AFF2: variants seen among roughly 807,000 people sequenced by gnomAD.
AFF2 encodes AF4/FMR2 family member 2.
Under a neutral mutation model 76.9 loss-of-function variants are expected in AFF2, and 14 were observed. That is an observed-to-expected ratio of 0.18 (90% CI 0.12 to 0.28). The LOEUF is 0.28. AFF2 is among the 10% of genes least tolerant of loss of function. The pLI, the probability that AFF2 is intolerant of heterozygous loss-of-function variation, is 1.00. For missense variants in AFF2, 868 were observed against 1,001.1 expected (o/e 0.87, Z 1.79); for synonymous variants, 398 against 366.7 (o/e 1.09, Z -0.98).
At chrX:148,892,273 T>C (rs2071231939) in intron 8 of AFF2, among the ~76,000 whole-genome samples, 1 of 112,032 alleles carries the variant, frequency 8.9e-6, no homozygotes, top group African/African-American at 3.2e-5. Context: ...ACCTTAAGCA[T>C]ATGAGCATTT....
At chrX:148,879,638 C>T (rs953899655) in intron 7 of AFF2, among the ~76,000 whole-genome samples, 3 of 111,447 alleles carry the variant, frequency 2.7e-5, no homozygotes, top group African/African-American at 9.8e-5. Flanking sequence ...CAAAAGCAGC[C>T]GTGGATGATA....
At chrX:148,780,315 TCTC>T (rs782759684) in intron 3 of AFF2, among the ~76,000 whole-genome samples, 265 of 112,048 alleles carry the variant, frequency 2.4e-3, no homozygotes, top group Middle Eastern at 4.6e-3. Context: ...TTGGGGAGGT[TCTC>T]CTGGATAATA....
chrX:148,758,118 T>G (rs2069396596), intron 3 of AFF2, among the ~76,000 whole-genome samples: 1 of 112,374 alleles, frequency 8.9e-6, no homozygotes, highest in Non-Finnish European at 1.9e-5. Flanking sequence ...GCAATCTGGT[T>G]GATTCCTGTG....
chrX:148,670,014 A>C (rs1457950398), intron 3 of AFF2, among the ~76,000 whole-genome samples: 1 of 111,434 alleles, frequency 9.0e-6, no homozygotes, highest in African/African-American at 3.3e-5. Context: ...TAACTCTTCC[A>C]ACTCACTGGT....
intron 3 of AFF2, among the ~76,000 whole-genome samples, chrX:148,697,573 T>C (rs781871436): frequency 9.0e-6 from 1 of 111,608 alleles, no homozygotes; most frequent in African/African-American, 3.3e-5. Context: ...TTTCCTTATA[T>C]ACAATGTTCC....
intron 19 of AFF2, among the ~76,000 whole-genome samples, chrX:148,986,577 C>T (rs1167526694): frequency 8.9e-6 from 1 of 112,961 alleles, no homozygotes; most frequent in African/African-American, 3.2e-5. Flanking sequence ...ATTAACAGCC[C>T]ATCTCTGTAG....
chrX:148,766,437 G>T (rs2069518192), intron 3 of AFF2, among the ~76,000 whole-genome samples: 1 of 109,101 alleles, frequency 9.2e-6, no homozygotes, highest in Non-Finnish European at 1.9e-5. Context: ...GTTTTGATTT[G>T]CATTTCTCTG....
At chrX:148,516,651 C>T (rs1448225517) in intron 1 of AFF2, among the ~76,000 whole-genome samples, 2 of 111,703 alleles carry the variant, frequency 1.8e-5, no homozygotes, top group Non-Finnish European at 3.8e-5. Flanking sequence ...AGCTTATTGC[C>T]ATTTTTATGA....
rs1316271081 is a variant in AFF2 at position 148,521,026 on chromosome X, G to A, written c.47+19882G>A. On this transcript the variant is annotated intron_variant, in intron 1 of 20. Coordinates refer to ENST00000370460, the MANE Select transcript of AFF2 (RefSeq NM_002025.4). The stretch of plus-strand genomic sequence containing the variant: ...CATAAAGACGGCAGACATTGCCAAG[G>A]CCAGGAAAGCCATTTATCAGTGCAT... 2.7e-5 allele frequency among the ~76,000 whole-genome samples: 3 copies of A among 112,142 alleles called. No homozygotes were observed. The East Asian group carries it at 8.4e-4, about 31-fold the overall frequency.
rs4844062 is a variant in AFF2 at position 148,541,899 on chromosome X, A to C, written c.47+40755A>C. ...TATACAGATGAGTGAACTGAGGCTT[A>C]GTGAGGCTAAAATAACCTGAGGGAT... On this transcript the variant is annotated intron_variant, in intron 1 of 20. Coordinates refer to ENST00000370460, the MANE Select transcript of AFF2 (RefSeq NM_002025.4). Among the ~76,000 whole-genome samples the C allele has an allele frequency of 5.0e-3, 537 of 107,426 alleles. 11 individuals carry two copies. Among genetic ancestry groups the C allele is most frequent in the Admixed American group, 0.048 (464 of 9,592 alleles). The allele number at this position is 107,426 out of a possible 115,157, so 93.3% of individuals were successfully genotyped here.
At chrX:148,968,676 G>A (rs1407488652) in intron 15 of AFF2, among the ~76,000 whole-genome samples, 1 of 112,241 alleles carries the variant, frequency 8.9e-6, no homozygotes, top group Non-Finnish European at 1.9e-5. Context: ...CCTTACATCT[G>A]CCTTTTCCCT....
intron 5 of AFF2, among the ~76,000 whole-genome samples, chrX:148,841,452 A>G (rs782149383): frequency 8.4e-4 from 94 of 111,965 alleles, no homozygotes; most frequent in Non-Finnish European, 1.6e-3. Flanking sequence ...CTTCTTTTAA[A>G]GATTATATCA....
At chrX:148,913,614 A>G (rs1372097131) in intron 9 of AFF2, among the ~76,000 whole-genome samples, 2 of 112,129 alleles carry the variant, frequency 1.8e-5, no homozygotes, top group Non-Finnish European at 3.8e-5. Context: ...GGTGAATCTG[A>G]TGGACCTCAA....
intron 9 of AFF2, among the ~76,000 whole-genome samples, chrX:148,947,978 CT>C (rs1233783075): frequency 1.8e-5 from 2 of 112,065 alleles, no homozygotes; most frequent in African/African-American, 6.5e-5. Context: ...AGTTCTGGGC[CT>C]TGTGAAATGT....
At chrX:148,639,730 AG>A in intron 1 of AFF2, among the ~76,000 whole-genome samples, 1 of 112,237 alleles carries the variant, frequency 8.9e-6, no homozygotes, top group South Asian at 3.7e-4. Flanking sequence ...CAAGATGCAA[AG>A]GATAAACATG....
intron 2 of AFF2, among the ~76,000 whole-genome samples, chrX:148,655,868 G>T (rs2054246718): frequency 9.0e-6 from 1 of 111,223 alleles, no homozygotes; most frequent in Non-Finnish European, 1.9e-5. Flanking sequence ...TAGAAACGAG[G>T]ACATACCACA....
intron 1 of AFF2, among the ~76,000 whole-genome samples, chrX:148,595,943 A>G (rs1049053247): frequency 3.6e-5 from 4 of 111,962 alleles, no homozygotes; most frequent in African/African-American, 9.7e-5. Context: ...GTTATAAGCA[A>G]TTGCTTGTTG....
chrX:148,845,416 A>G (rs2070655371), intron 7 of AFF2, among the ~76,000 whole-genome samples: 1 of 111,830 alleles, frequency 8.9e-6, no homozygotes, highest in African/African-American at 3.3e-5. Flanking sequence ...TGTAGCCAAT[A>G]CAACTAAAAT....
At chrX:148,708,532 A>G (rs2124524801) in intron 3 of AFF2, among the ~76,000 whole-genome samples, 1 of 112,083 alleles carries the variant, frequency 8.9e-6, no homozygotes, top group African/African-American at 3.2e-5. Context: ...ATATGGTAAT[A>G]TGGTGCAAAA....
Sources: allele counts gnomAD v4.1 joint callset (sites outside exome capture counted in the v4.1 genomes callset), GRCh38; gene constraint gnomAD v4.1.1; transcripts MANE v1.5; gene names NCBI Gene and HGNC (gene_info 2026-07-23, HGNC 2026-07-21).